The following TNFRSF11A variants were observed in gnomAD, a reference collection of about 807,000 sequenced individuals.
The protein encoded by TNFRSF11A is TNF receptor superfamily member 11a, also known as tumor necrosis factor receptor superfamily member 11A.
A neutral mutation model predicts 55.7 loss-of-function variants in TNFRSF11A; 32 were observed. The ratio of observed to expected loss-of-function variants is 0.57; its 90% confidence interval spans 0.43 to 0.77. TNFRSF11A has a LOEUF of 0.77. Ranked by LOEUF, TNFRSF11A falls within the 30% of genes least tolerant of loss-of-function variation. The pLI, the probability that TNFRSF11A is intolerant of heterozygous loss-of-function variation, is 0.00. For missense variants in TNFRSF11A, 753 were observed against 809.8 expected, an observed-to-expected ratio of 0.93 and a Z score of 0.85; for synonymous variants, 311 against 331.0, an observed-to-expected ratio of 0.94 and a Z score of 0.65.
In TNFRSF11A at chr18:62,385,108, C is replaced by T; in HGVS notation, c.*74C>T. On this transcript the variant is annotated 3_prime_UTR_variant, in exon 10 of 10. Transcript: ENST00000586569. ...GGCAGCACCGCAGCCTCTGCCCCAG[C>T]CCCGGCCACCCAGGGATCGATCGGT... is the stretch of plus-strand genomic sequence containing the variant. 7.3e-7 allele frequency: 1 copy of T among 1,364,496 alleles called. No homozygotes were observed. Among genetic ancestry groups the T allele is most frequent in the Non-Finnish European group, 9.4e-7 (1 of 1,063,016 alleles). 84.5% of individuals were successfully genotyped at this position (1,364,496 alleles called of 1,614,324 possible).
In TNFRSF11A at chr18:62,369,353, C is replaced by CCCCTGAA; in HGVS notation, c.1437_1443dup (p.Glu482ProfsTer2). 6.2e-7 allele frequency: 1 copy of CCCCTGAA among 1,610,162 alleles called. No homozygotes were observed. Among genetic ancestry groups the CCCCTGAA allele is most frequent in the Non-Finnish European group, 8.5e-7 (1 of 1,178,644 alleles). On this transcript the variant is annotated frameshift_variant, in exon 9 of 10. Transcript: ENST00000586569. LOFTEE classifies it high-confidence loss of function. Reference sequence around the variant, plus strand: ...CAGTGCGCCTATGGCATGGGCCTTCCCCCTGAAGAAGAAGCCAGCAGGACG... The same window carrying CCCCTGAA: ...CAGTGCGCCTATGGCATGGGCCTTCCCCCTGAACCCTGAAGAAGAAGCCAGCAGGACG...
chr18:62,346,189 C>G (rs1443262584), intron 1 of TNFRSF11A, among the ~76,000 whole-genome samples: 1 of 152,130 alleles, frequency 6.6e-6, no homozygotes, highest in African/African-American at 2.4e-5. Flanking sequence ...CAATTAATAC[C>G]CTTTGTCATC....
intron 1 of TNFRSF11A, chr18:62,330,926 G>C (rs2046142423): frequency 6.6e-6 from 1 of 152,236 alleles, no homozygotes. Flanking sequence ...ATAAAATAAG[G>C]CCGGGTGTGG....
chr18:62,369,491 G>A lies in TNFRSF11A; in HGVS notation c.1567+7G>A, dbSNP rs35332936. 182 of 1,603,826 alleles carry A rather than the reference G, an allele frequency of 1.1e-4. 1 individual carries two copies. The East Asian group carries it at 3.9e-3, about 35-fold the overall frequency. On this transcript the variant is annotated splice_region_variant and intron_variant, in intron 9 of 9. Coordinates refer to ENST00000586569, the MANE Select transcript of TNFRSF11A (RefSeq NM_003839.4). ...GGCCAGTCCCCTGCATCTGGTAAGT[G>A]ACTTCCCAGTCTCTCACTTCTGAGC... is the stretch of plus-strand genomic sequence containing the variant.
At chr18:62,338,107 G>A (rs2046260283) in intron 1 of TNFRSF11A, among the ~76,000 whole-genome samples, 1 of 152,126 alleles carries the variant, frequency 6.6e-6, no homozygotes, top group Non-Finnish European at 1.5e-5. Context: ...GAACCACAAG[G>A]AGATACTACC....
intron 3 of TNFRSF11A, among the ~76,000 whole-genome samples, chr18:62,353,491 G>A (rs750060849): frequency 1.3e-5 from 2 of 152,122 alleles, no homozygotes; most frequent in East Asian, 1.9e-4. Context: ...GCAGAGCATC[G>A]ATTACCCAAC....
At chr18:62,342,401 C>CAAA (rs371734407) in intron 1 of TNFRSF11A, among the ~76,000 whole-genome samples, 641 of 62,132 alleles carry the variant, frequency 0.01, 35 homozygotes, top group East Asian at 0.024. Flanking sequence ...GATTCTGTCT[C>CAAA]AAAAAAAAAA....
intron 4 of TNFRSF11A, 81 bp from the exon 5 acceptor site, chr18:62,358,167 C>T: frequency 1.4e-6 from 2 of 1,381,380 alleles, no homozygotes; most frequent in East Asian, 2.3e-5. Context: ...CCTCTGGAGT[C>T]CCAGCCTGGA....
At position 62,385,071 on chromosome 18, in the gene TNFRSF11A, A is replaced by G; in HGVS notation, c.*37A>G. 1 of 1,435,214 alleles carries G rather than the reference A, an allele frequency of 7.0e-7. No homozygotes were observed. Among genetic ancestry groups the G allele is most frequent in the Non-Finnish European group, 9.1e-7 (1 of 1,104,326 alleles). 88.9% of individuals were successfully genotyped at this position (1,435,214 alleles called of 1,614,324 possible). A position where few individuals can be genotyped will look rare whatever the true frequency, so the allele number is the denominator to read the frequency against. On this transcript the variant is annotated 3_prime_UTR_variant, in exon 10 of 10. Coordinates refer to ENST00000586569, the MANE Select transcript of TNFRSF11A (RefSeq NM_003839.4). ...GGCTGGGAGCCCGAAGCTCGGAGCC[A>G]GGGCTCGCGAGGGCAGCACCGCAGC...
intron 3 of TNFRSF11A, among the ~76,000 whole-genome samples, chr18:62,353,712 C>CGTGTGTGTGT (rs35838037): frequency 6.6e-6 from 1 of 151,020 alleles, no homozygotes; most frequent in African/African-American, 2.4e-5. Flanking sequence ...ATAACAGATA[C>CGTGTGTGTGT]GTGTGTGTGT....
At position 62,380,409 on chromosome 18, in the gene TNFRSF11A, T is replaced by C. The variant is rs181100554; in HGVS notation, c.1568-4342T>C. Reference sequence around the variant, plus strand: ...AATCTCCTAAATCTTTCTAGGTAACTGTCCTTTACATCTTAACGGTCAGGA... The same window carrying C: ...AATCTCCTAAATCTTTCTAGGTAACCGTCCTTTACATCTTAACGGTCAGGA... On this transcript the variant is annotated intron_variant, in intron 9 of 9. Transcript: ENST00000586569. Among the ~76,000 whole-genome samples, 225 of 152,230 alleles carry C rather than the reference T, an allele frequency of 1.5e-3. 1 individual carries two copies. Among genetic ancestry groups the C allele is most frequent in the Middle Eastern group, 6.8e-3 (2 of 294 alleles).
chr18:62,389,606 GT>G lies in TNFRSF11A; in HGVS notation c.*4576del, dbSNP rs1911918104. Reference sequence around the variant, plus strand: ...ATGGCTCTGCACAGCTGTGAGTCCAGTTTTCTCTCTTCCTACCTCCCTCTTA... The same window carrying G: ...ATGGCTCTGCACAGCTGTGAGTCCAGTTTCTCTCTTCCTACCTCCCTCTTA... On this transcript the variant is annotated 3_prime_UTR_variant, in exon 10 of 10. Transcript: ENST00000586569. 6.7e-6 allele frequency: 1 copy of G among 149,438 alleles called. No homozygotes were observed. The allele number at this position is 149,438 out of a possible 1,614,324, so 9.3% of individuals were successfully genotyped here.
chr18:62,383,303 T>G lies in TNFRSF11A; in HGVS notation c.1568-1448T>G, dbSNP rs1036704221. On this transcript the variant is annotated intron_variant, in intron 9 of 9. Transcript: ENST00000586569. This position sits in a 1 kb window ranked among gnomAD's most constrained non-coding sequence, Gnocchi z 4.2. ...TTTTGGTCTTGGCTTCTCTAGAGGT[T>G]ACCCAGTGGGTCAGGGGAAGGCTCC... Among the ~76,000 whole-genome samples the G allele has an allele frequency of 6.6e-6, 1 of 152,224 alleles. No homozygotes were observed. Among genetic ancestry groups the G allele is most frequent in the African/African-American group, 2.4e-5 (1 of 41,466 alleles).
chr18:62,337,692 T>C (rs907057661), intron 1 of TNFRSF11A, among the ~76,000 whole-genome samples: 2 of 152,194 alleles, frequency 1.3e-5, no homozygotes, highest in Non-Finnish European at 2.9e-5. Context: ...ACCACCACCT[T>C]ACATAGATTG....
intron 5 of TNFRSF11A, among the ~76,000 whole-genome samples, chr18:62,359,497 T>G (rs1909513463): frequency 6.6e-6 from 1 of 152,014 alleles, no homozygotes; most frequent in African/African-American, 2.4e-5. Context: ...CTCCTGCCTT[T>G]GCCTCCACAG....
At chr18:62,349,062 G>A (rs1474762246) in intron 2 of TNFRSF11A, among the ~76,000 whole-genome samples, 1 of 152,092 alleles carries the variant, frequency 6.6e-6, no homozygotes, top group African/African-American at 2.4e-5. Context: ...GAGGGGAGAG[G>A]GGATGGGTGA....
At chr18:62,340,329 C>T (rs2046294146) in intron 1 of TNFRSF11A, among the ~76,000 whole-genome samples, 1 of 151,942 alleles carries the variant, frequency 6.6e-6, no homozygotes, top group South Asian at 2.1e-4. Flanking sequence ...AGCGATCCTC[C>T]TGCCTCAACC....
intron 1 of TNFRSF11A, among the ~76,000 whole-genome samples, chr18:62,344,182 G>T (rs763581761): frequency 4.6e-5 from 7 of 152,202 alleles, no homozygotes; most frequent in Non-Finnish European, 1.0e-4. Flanking sequence ...GAGAGACTGG[G>T]ACAGAGTTTC....
intron 9 of TNFRSF11A, among the ~76,000 whole-genome samples, chr18:62,379,443 A>G (rs748551243): frequency 2.6e-5 from 4 of 152,194 alleles, no homozygotes; most frequent in African/African-American, 4.8e-5. Flanking sequence ...AACATTAACT[A>G]TTACGTTAAC....
Sources: allele counts gnomAD v4.1 joint callset (sites outside exome capture counted in the v4.1 genomes callset), GRCh38; gene constraint gnomAD v4.1.1; non-coding constraint Gnocchi (gnomAD v3.1); transcripts MANE v1.5; gene names NCBI Gene and HGNC (gene_info 2026-07-23, HGNC 2026-07-21).